Variants in BEND7 observed in about 807,000 individuals in gnomAD.
BEND7 encodes the protein BEN domain containing 7.
A neutral mutation model predicts 50.9 loss-of-function variants in BEND7; 28 were observed. That is an observed-to-expected ratio of 0.55 (90% confidence interval 0.41 to 0.75). The LOEUF (loss-of-function observed/expected upper bound fraction) is 0.75, where lower values mean the gene tolerates loss of function less well. BEND7 is among the 30% of genes least tolerant of loss of function. The pLI is 0.00. For synonymous variants in BEND7, 170 were observed against 183.9 expected (o/e 0.92, Z 0.61); for missense variants, 477 against 491.3 (o/e 0.97, Z 0.28).
chr10:13,489,618 C>T lies in BEND7; in HGVS notation c.837+2993G>A, dbSNP rs566641233. Among the ~76,000 whole-genome samples, 8 of 152,206 alleles carry T rather than the reference C, an allele frequency of 5.3e-5. No individual in the cohort carries two copies. The East Asian group carries it at 1.5e-3, about 29-fold the overall frequency. ...CTTGAGAAGCTGGGGTGGAAGGATG[C>T]ATTAACGTGTATCCTGTTTGTATAT... On this transcript the variant is annotated intron_variant, in intron 5 of 8. Transcript: ENST00000466271.
intron 7 of BEND7, among the ~76,000 whole-genome samples, chr10:13,451,052 G>C (rs1588645699): frequency 6.6e-6 from 1 of 151,964 alleles, no homozygotes; most frequent in Non-Finnish European, 1.5e-5. Flanking sequence ...AGGAAACTAA[G>C]GTGTGTTTAT....
intron 6 of BEND7, among the ~76,000 whole-genome samples, chr10:13,472,357 G>A (rs907150192): frequency 1.7e-4 from 26 of 151,268 alleles, no homozygotes; most frequent in Admixed American, 5.3e-4. Flanking sequence ...CATCATTGCT[G>A]TTAGACTCAG....
chr10:13,452,877 T>C (rs1310099315), intron 6 of BEND7, among the ~76,000 whole-genome samples: 2 of 152,206 alleles, frequency 1.3e-5, no homozygotes, highest in Non-Finnish European at 2.9e-5. Context: ...AAACTGGCGA[T>C]ACTCACTAAG....
chr10:13,438,866 C>A, downstream of BEND7: 1 of 322,622 alleles, frequency 3.1e-6, no homozygotes, highest in African/African-American at 2.1e-5. Context: ...CCAGCCTGAC[C>A]CTCCTCTCAA....
intron 2 of BEND7, among the ~76,000 whole-genome samples, chr10:13,524,929 T>A (rs1446604521): frequency 6.6e-6 from 1 of 152,160 alleles, no homozygotes; most frequent in African/African-American, 2.4e-5. Flanking sequence ...ATATTTGACT[T>A]CTTCCCAATG....
chr10:13,522,298 C>G (rs1252637295), intron 2 of BEND7, among the ~76,000 whole-genome samples: 1 of 152,220 alleles, frequency 6.6e-6, no homozygotes, highest in Non-Finnish European at 1.5e-5. Context: ...TAAAATCCTT[C>G]TAAAAGTGCC....
chr10:13,475,807 T>G (rs1425163430), intron 6 of BEND7, among the ~76,000 whole-genome samples: 2 of 152,360 alleles, frequency 1.3e-5, no homozygotes, highest in East Asian at 3.9e-4. Context: ...TGCTGCAAAA[T>G]GGCTTTGGAG....
chr10:13,494,798 C>G (rs1222964493), intron 4 of BEND7, among the ~76,000 whole-genome samples: 1 of 152,246 alleles, frequency 6.6e-6, no homozygotes, highest in African/African-American at 2.4e-5. Context: ...GATCTTACCT[C>G]TAGGTCTTAT....
At chr10:13,442,853 T>A (rs901667383) in intron 8 of BEND7, 2 of 152,236 alleles carry the variant, frequency 1.3e-5, no homozygotes, top group African/African-American at 4.8e-5. Flanking sequence ...AATGATTTCA[T>A]CTTACAGGTC....
At chr10:13,519,434 C>G (rs1030516763) in intron 2 of BEND7, among the ~76,000 whole-genome samples, 1 of 151,824 alleles carries the variant, frequency 6.6e-6, no homozygotes, top group Non-Finnish European at 1.5e-5. Context: ...CGAGATGGCG[C>G]CACTGCACTC....
chr10:13,451,269 G>A (rs560716016), intron 7 of BEND7, among the ~76,000 whole-genome samples: 98 of 151,602 alleles, frequency 6.5e-4, no homozygotes, highest in African/African-American at 2.3e-3. Flanking sequence ...GCTCACTGCA[G>A]CCTCAAACTC....
In BEND7 at chr10:13,500,012, G is replaced by C. The variant is rs534620750; in HGVS notation, c.214C>G (p.Arg72Gly). 1.2e-6 allele frequency: 2 copies of C among 1,613,794 alleles called. No homozygotes were observed. Among genetic ancestry groups the C allele is most frequent in the Non-Finnish European group, 8.5e-7 (1 of 1,179,832 alleles). The change falls in exon 3 of 9, where the codon CGG (arginine) becomes GGG (glycine). Residue 72 changes from arginine to glycine, a missense_variant. Arg to Gly is a moderately radical substitution (Grantham distance 125). Transcript: ENST00000466271. ...TCTTTGCCAACTCGCTGATAGATCC[G>C]CCCAGTGCTGTCGTTCAGCAATCTT... ...MRRLLNDSTG[R>G]IYQRVGKEGE...
At chr10:13,496,536 G>A (rs1413035800) in intron 4 of BEND7, among the ~76,000 whole-genome samples, 1 of 152,120 alleles carries the variant, frequency 6.6e-6, no homozygotes, top group African/African-American at 2.4e-5. Flanking sequence ...AGTCTATCGA[G>A]TACATACACA....
intron 6 of BEND7, among the ~76,000 whole-genome samples, chr10:13,454,621 C>T (rs531885668): frequency 4.6e-5 from 7 of 151,926 alleles, no homozygotes; most frequent in Non-Finnish European, 1.0e-4. Flanking sequence ...CTTTAAGCGA[C>T]TTGTACAACT....
At chr10:13,441,046 A>G, downstream of BEND7, 2 of 950,102 alleles carry the variant, frequency 2.1e-6, no homozygotes, top group East Asian at 1.2e-4. Context: ...TTCTCTTCAT[A>G]AACACAGGAA....
intron 4 of BEND7, among the ~76,000 whole-genome samples, chr10:13,496,009 T>A (rs529193616): frequency 6.6e-6 from 1 of 152,348 alleles, no homozygotes; most frequent in East Asian, 1.9e-4. Flanking sequence ...ATACAGCTGC[T>A]ATAATGAAGA....
chr10:13,515,160 G>C (rs959266197), intron 2 of BEND7, among the ~76,000 whole-genome samples: 2 of 152,166 alleles, frequency 1.3e-5, no homozygotes, highest in Admixed American at 6.5e-5. Context: ...TGCTGCGAGA[G>C]ACACAGACAC....
Position 13,441,435 on chromosome 10 carries a change from T to TCTGGGTGGTGG in BEND7, c.*307_*308insCCACCACCCAG. ...TTGATACGTATTTCCAGTGTGTAGA[T>TCTGGGTGGTGG]CCGTTCATCGCACACATCTTTGGGT... On this transcript the variant is annotated 3_prime_UTR_variant, in exon 9 of 9. Coordinates refer to ENST00000466271, the MANE Select transcript of BEND7 (RefSeq NM_001369863.1). 8.2e-7 allele frequency: 1 copy of TCTGGGTGGTGG among 1,224,470 alleles called. No individual in the cohort carries two copies. Among genetic ancestry groups the TCTGGGTGGTGG allele is most frequent in the South Asian group, 3.4e-5 (1 of 29,686 alleles). 75.9% of individuals were successfully genotyped at this position (1,224,470 alleles called of 1,614,324 possible). A position where few individuals can be genotyped will look rare whatever the true frequency, so the allele number is the denominator to read the frequency against.
intron 2 of BEND7, among the ~76,000 whole-genome samples, chr10:13,518,118 AT>A (rs1215658432): frequency 6.6e-6 from 1 of 152,230 alleles, no homozygotes; most frequent in Non-Finnish European, 1.5e-5. Context: ...TGAATTTATT[AT>A]TTTTTTTCAA....
Sources: allele counts gnomAD v4.1 joint callset (sites outside exome capture counted in the v4.1 genomes callset), GRCh38; gene constraint gnomAD v4.1.1; transcripts MANE v1.5; gene names NCBI Gene and HGNC (gene_info 2026-07-23, HGNC 2026-07-21).